The following C4orf36 variants were observed in gnomAD, a reference collection of about 807,000 sequenced individuals.
C4orf36 encodes chromosome 4 open reading frame 36.
In C4orf36, 11 loss-of-function variants were observed where a neutral mutation model predicts 12.2. The observed-to-expected ratio is 0.90, with a 90% CI of 0.57 to 1.49. C4orf36 has a LOEUF of 1.49. Among genes scored for constraint, C4orf36 ranks in the 40% most tolerant of loss-of-function variants. C4orf36 has a pLI of 0.00. For synonymous variants in C4orf36, 54 were observed against 51.3 expected, an observed-to-expected ratio of 1.05 and a Z score of -0.22; for missense variants, 137 against 133.9, an observed-to-expected ratio of 1.02 and a Z score of -0.11.
At chr4:86,879,459 T>C (rs962197255) in intron 4 of C4orf36, among the ~76,000 whole-genome samples, 1 of 152,162 alleles carries the variant, frequency 6.6e-6, no homozygotes, top group African/African-American at 2.4e-5. Context: ...TCAGTGAATT[T>C]GAAGTCAGAT....
the C4orf36 span, chr4:86,936,084 A>T: frequency 6.6e-6 from 1 of 152,222 alleles, no homozygotes; most frequent in South Asian, 2.1e-4. Flanking sequence ...CTTCTCCACC[A>T]CCAGCACCCG....
chr4:86,892,054 G>A lies in C4orf36; in HGVS notation c.-74+129C>T, dbSNP rs561765741. ...GCCCTTGCACGCCGATTCGGGGCGA[G>A]TCCCCTACCCTTCCCCGGACGGACG... On this transcript the variant is annotated intron_variant, in intron 1 of 4. Transcript: ENST00000295898. 2.2e-4 allele frequency: 217 copies of A among 986,340 alleles called. No individual in the cohort carries two copies. The African/African-American group carries it at 3.6e-3, about 16-fold the overall frequency. The allele number at this position is 986,340 out of a possible 1,614,324, so 61.1% of individuals were successfully genotyped here. A position where few individuals can be genotyped will look rare whatever the true frequency, so the allele number is the denominator to read the frequency against.
At chr4:86,892,548 G>C (rs1747470211), upstream of C4orf36, 1 of 811,654 alleles carries the variant, frequency 1.2e-6, no homozygotes, top group Non-Finnish European at 1.5e-6. Context: ...AACCGGGCCG[G>C]GGCAGGCCGC....
intron 2 of C4orf36, among the ~76,000 whole-genome samples, chr4:86,890,480 A>AAATAATAATAAT (rs56235500): frequency 6.8e-6 from 1 of 147,318 alleles, no homozygotes; most frequent in African/African-American, 2.5e-5. Context: ...AATGCAAATA[A>AAATAATAATAAT]AATAATAATA....
At chr4:86,908,452 CTT>C in the C4orf36 span, among the ~76,000 whole-genome samples, 3 of 141,790 alleles carry the variant, frequency 2.1e-5, no homozygotes, top group African/African-American at 5.2e-5. Flanking sequence ...TCAACAGTGT[CTT>C]TTTTTTTTTT....
the C4orf36 span, among the ~76,000 whole-genome samples, chr4:86,933,003 TTTTG>T: frequency 1.6e-4 from 24 of 152,164 alleles, no homozygotes; most frequent in African/African-American, 5.5e-4. Flanking sequence ...ATTACTCTCC[TTTTG>T]TTTATGTCTG....
the C4orf36 span, among the ~76,000 whole-genome samples, chr4:86,930,714 C>T: frequency 6.6e-6 from 1 of 152,158 alleles, no homozygotes; most frequent in African/African-American, 2.4e-5. Flanking sequence ...TTCACAGTCC[C>T]CACTGGATTT....
rs1747455589 is a variant in C4orf36 at position 86,892,333 on chromosome 4, C to T, written c.-224G>A. On this transcript the variant is annotated 5_prime_UTR_variant, in exon 1 of 5. Transcript: ENST00000295898. ...CGGCCGGGGTACTGAGGTAAGAGCG[C>T]GCTGCGCTAAGCGCACATGGCCGCG... 1.0e-6 allele frequency: 1 copy of T among 985,494 alleles called. No individual in the cohort carries two copies. The highest frequency in any genetic ancestry group is 1.2e-6 in the Non-Finnish European group (1 of 829,966). The allele number at this position is 985,494 out of a possible 1,614,324, so 61.0% of individuals were successfully genotyped here.
upstream of C4orf36, among the ~76,000 whole-genome samples, chr4:86,896,880 G>C (rs1369900712): frequency 6.6e-6 from 1 of 152,088 alleles, no homozygotes; most frequent in African/African-American, 2.4e-5. Flanking sequence ...CTATTTCTGG[G>C]AATGGCCCAT....
the C4orf36 span, chr4:86,914,140 G>A: frequency 8.8e-6 from 14 of 1,598,962 alleles, 1 homozygote; most frequent in South Asian, 8.8e-5. Context: ...GAAATGAATC[G>A]TGCTCCACTT....
intron 4 of C4orf36, among the ~76,000 whole-genome samples, chr4:86,880,429 G>C (rs530731760): frequency 6.6e-6 from 1 of 152,204 alleles, no homozygotes; most frequent in South Asian, 2.1e-4. Context: ...ACTCCAGCCT[G>C]GGTGACAGAG....
intron 2 of C4orf36, 142 bp from the exon 3 acceptor site, chr4:86,888,417 C>CA: frequency 1.4e-6 from 1 of 699,538 alleles, no homozygotes; most frequent in Non-Finnish European, 2.4e-6. Flanking sequence ...CAGAATTTTC[C>CA]AGAGTTGTAG....
intron 2 of C4orf36, among the ~76,000 whole-genome samples, chr4:86,888,823 G>A (rs1262875489): frequency 6.6e-6 from 1 of 152,160 alleles, no homozygotes; most frequent in South Asian, 2.1e-4. Flanking sequence ...TATGAGTTCA[G>A]CCTCATATGC....
the C4orf36 span, chr4:86,913,379 G>C: frequency 3.8e-6 from 3 of 794,986 alleles, no homozygotes; most frequent in Non-Finnish European, 2.2e-6. Context: ...ATAGAGACTT[G>C]AGTGATGCTA....
the C4orf36 span, among the ~76,000 whole-genome samples, chr4:86,928,159 C>G: frequency 6.6e-6 from 1 of 152,168 alleles, no homozygotes; most frequent in African/African-American, 2.4e-5. Context: ...AACACTCATG[C>G]CAGGTAGTTC....
the C4orf36 span, among the ~76,000 whole-genome samples, chr4:86,919,315 C>CTTTTT: frequency 1.2e-3 from 96 of 81,402 alleles, no homozygotes; most frequent in Admixed American, 1.9e-3. Flanking sequence ...TTTTTTCCCC[C>CTTTTT]TTTTTTTTTT....
chr4:86,895,123 G>A (rs1414762118), upstream of C4orf36, among the ~76,000 whole-genome samples: 2 of 152,068 alleles, frequency 1.3e-5, no homozygotes, highest in Non-Finnish European at 2.9e-5. Flanking sequence ...ACCAGCCTGG[G>A]CACCATAGTG....
intron 4 of C4orf36, among the ~76,000 whole-genome samples, chr4:86,882,833 C>T (rs1447646028): frequency 6.6e-6 from 1 of 152,140 alleles, no homozygotes; most frequent in Non-Finnish European, 1.5e-5. Context: ...TAGCTTTCCC[C>T]CCAAAACCTG....
At chr4:86,896,567 C>T (rs1747594352), upstream of C4orf36, among the ~76,000 whole-genome samples, 1 of 152,196 alleles carries the variant, frequency 6.6e-6, no homozygotes, top group Non-Finnish European at 1.5e-5. Flanking sequence ...TTCTAATTGT[C>T]TCACCTGTCT....
Sources: gnomAD v4.1 joint callset for allele counts (sites outside exome capture counted in the v4.1 genomes callset) on GRCh38, gnomAD v4.1.1 for gene constraint, MANE v1.5 for transcripts, NCBI Gene and HGNC (gene_info 2026-07-23, HGNC 2026-07-21) for gene names.